SLC26A7: variants seen among roughly 807,000 people sequenced by gnomAD.
SLC26A7 encodes the protein solute carrier family 26 member 7.
In SLC26A7, 59 loss-of-function variants were observed where a neutral mutation model predicts 82.5. The observed-to-expected ratio is 0.72, with a 90% CI of 0.58 to 0.89. The LOEUF is 0.89. SLC26A7 is among the 40% of genes least tolerant of loss of function. SLC26A7 has a pLI of 0.00. For missense variants in SLC26A7, 820 were observed against 793.0 expected (o/e 1.03, Z -0.41); for synonymous variants, 271 against 274.3 (o/e 0.99, Z 0.12).
At chr8:91,282,108 A>C (rs1411717551) in intron 2 of SLC26A7, among the ~76,000 whole-genome samples, 1 of 152,104 alleles carries the variant, frequency 6.6e-6, no homozygotes, top group Non-Finnish European at 1.5e-5. Flanking sequence ...TTGAGAACCA[A>C]AATAGAACTA....
At chr8:91,237,780 A>G (rs150482166) in intron 2 of SLC26A7, among the ~76,000 whole-genome samples, 70 of 152,272 alleles carry the variant, frequency 4.6e-4, no homozygotes, top group Non-Finnish European at 9.3e-4. Context: ...TCTGCACCCA[A>G]CATTGTAATA....
intron 11 of SLC26A7, among the ~76,000 whole-genome samples, chr8:91,353,759 C>A (rs1297139593): frequency 2.6e-5 from 4 of 151,984 alleles, no homozygotes; most frequent in South Asian, 2.1e-4. Context: ...TATGCTGGTG[C>A]CTACTTTTGT....
chr8:91,231,015 C>T (rs537628645), intron 2 of SLC26A7, among the ~76,000 whole-genome samples: 4 of 151,974 alleles, frequency 2.6e-5, no homozygotes, highest in South Asian at 2.1e-4. Flanking sequence ...TGGGTGGAGA[C>T]ATGAATAGCT....
At chr8:91,219,394 G>A (rs1176329565) in intron 2 of SLC26A7, among the ~76,000 whole-genome samples, 2 of 151,966 alleles carry the variant, frequency 1.3e-5, no homozygotes, top group East Asian at 1.9e-4. Context: ...CTAGATAGTC[G>A]TATTATATTT....
upstream of SLC26A7, among the ~76,000 whole-genome samples, chr8:91,244,982 C>T (rs965249248): frequency 3.3e-5 from 5 of 152,178 alleles, no homozygotes; most frequent in Non-Finnish European, 5.9e-5. Flanking sequence ...TGTTGGCAAT[C>T]ATTGTTGAGA....
At chr8:91,231,455 G>A (rs1397265237) in intron 2 of SLC26A7, among the ~76,000 whole-genome samples, 1 of 152,158 alleles carries the variant, frequency 6.6e-6, no homozygotes, top group Non-Finnish European at 1.5e-5. Context: ...ATCACACACG[G>A]GGAGCCTGTT....
At position 91,334,362 on chromosome 8, in the gene SLC26A7, G is replaced by C. The variant is rs778212161; in HGVS notation, c.710G>C (p.Ser237Thr). 2.5e-6 allele frequency: 4 copies of C among 1,613,342 alleles called. No homozygotes were observed. The Admixed American group carries it at 6.7e-5, about 27-fold the overall frequency. The change falls in exon 6 of 19, where the codon AGC becomes ACC. Residue 237 changes from serine to threonine, a missense_variant. By Grantham distance (58) the Ser-to-Thr change is moderately conservative (BLOSUM62 1). Transcript: ENST00000276609. ...GAAGCATTGCTTTTATCCTTGCTGA[G>C]CATTGTGGTCCTTGTTCTTGTTAAA... is the stretch of plus-strand genomic sequence containing the variant. ...RLEALLLSLL[S>T]IVVLVLVKEL...
rs189925883 is a variant in SLC26A7 at position 91,292,929 on chromosome 8, G to C, written c.305-2602G>C. 2.6e-5 allele frequency among the ~76,000 whole-genome samples: 4 copies of C among 152,226 alleles called. No individual in the cohort carries two copies. In the East Asian group the frequency reaches 5.8e-4, roughly 22 times the overall value. ...TAGGGAAATTTATTTAAAGAGCAAAGTTTAACAATTTAGAGAGGATATTGT... is the reference window on the plus strand; with the variant it reads ...TAGGGAAATTTATTTAAAGAGCAAACTTTAACAATTTAGAGAGGATATTGT... On this transcript the variant is annotated intron_variant, in intron 3 of 18. Coordinates refer to ENST00000276609, the MANE Select transcript of SLC26A7 (RefSeq NM_052832.4).
chr8:91,343,859 T>A (rs1394523442), intron 9 of SLC26A7: 1 of 364,972 alleles, frequency 2.7e-6, no homozygotes. Flanking sequence ...ACACTGAAAG[T>A]TCTATCTATA....
At chr8:91,363,129 T>C (rs926147844) in intron 12 of SLC26A7, among the ~76,000 whole-genome samples, 19 of 152,238 alleles carry the variant, frequency 1.2e-4, no homozygotes, top group Admixed American at 1.2e-3. Context: ...TATCCAGTCC[T>C]ATCTTGCCAT....
chr8:91,300,492 G>T (rs1328925845), intron 4 of SLC26A7, among the ~76,000 whole-genome samples: 1 of 151,632 alleles, frequency 6.6e-6, no homozygotes, highest in Non-Finnish European at 1.5e-5. Flanking sequence ...CCGCCTCCCG[G>T]GTTCACGCCA....
intron 2 of SLC26A7, among the ~76,000 whole-genome samples, chr8:91,223,255 GT>G (rs957068923): frequency 2.0e-5 from 3 of 151,458 alleles, no homozygotes; most frequent in African/African-American, 7.3e-5. Context: ...CAGTCTATTT[GT>G]TTTTTTAATT....
chr8:91,219,842 A>G (rs1725851266), intron 2 of SLC26A7, among the ~76,000 whole-genome samples: 1 of 152,160 alleles, frequency 6.6e-6, no homozygotes. Context: ...TAGTTTGAGA[A>G]CCACAGGATA....
chr8:91,285,373 T>A (rs1416351363), intron 2 of SLC26A7, among the ~76,000 whole-genome samples: 1 of 152,280 alleles, frequency 6.6e-6, no homozygotes. Context: ...CATTGTCACA[T>A]GATGTTCTTC....
At chr8:91,333,163 A>G (rs1271111162) in intron 5 of SLC26A7, among the ~76,000 whole-genome samples, 4 of 152,176 alleles carry the variant, frequency 2.6e-5, no homozygotes, top group African/African-American at 9.6e-5. Flanking sequence ...AAGTTGTTGA[A>G]CAAAGTGTTA....
intron 2 of SLC26A7, among the ~76,000 whole-genome samples, chr8:91,279,125 G>GTATATATATATATATA (rs55869816): frequency 6.3e-5 from 7 of 111,290 alleles, no homozygotes; most frequent in East Asian, 3.3e-4. Flanking sequence ...GTGTGTGTGT[G>GTATATATATATATATA]TATATATATA....
intron 2 of SLC26A7, among the ~76,000 whole-genome samples, chr8:91,266,522 C>CT (rs1313250658): frequency 2.0e-5 from 3 of 151,452 alleles, no homozygotes; most frequent in Non-Finnish European, 1.5e-5. Flanking sequence ...TTCTTGAATT[C>CT]TTTTTTGTGT....
chr8:91,220,710 C>T (rs547704704), intron 2 of SLC26A7, among the ~76,000 whole-genome samples: 2 of 152,244 alleles, frequency 1.3e-5, no homozygotes, highest in East Asian at 3.9e-4. Context: ...GCATAGTATT[C>T]CATGGTGTAT....
chr8:91,311,119 G>A (rs1812469552), intron 4 of SLC26A7, among the ~76,000 whole-genome samples: 1 of 152,088 alleles, frequency 6.6e-6, no homozygotes, highest in Non-Finnish European at 1.5e-5. Context: ...ACCCCCATGG[G>A]AAACAACTTC....
Sources: gnomAD v4.1 joint callset for allele counts (sites outside exome capture counted in the v4.1 genomes callset) on GRCh38, gnomAD v4.1.1 for gene constraint, MANE v1.5 for transcripts, NCBI Gene and HGNC (gene_info 2026-07-23, HGNC 2026-07-21) for gene names.